LSAMP: variants seen among roughly 807,000 people sequenced by gnomAD.
LSAMP encodes limbic system-associated membrane protein.
In LSAMP, 7 loss-of-function variants were observed where a neutral mutation model predicts 38.6. The ratio of observed to expected loss-of-function variants is 0.18; its 90% CI spans 0.10 to 0.34. The LOEUF is 0.34. LSAMP is among the 10% of genes least tolerant of loss of function. LSAMP has a pLI of 1.00. For missense variants in LSAMP, 313 were observed against 420.0 expected, an observed-to-expected ratio of 0.75 and a Z score of 2.23; for synonymous variants, 154 against 166.8, an observed-to-expected ratio of 0.92 and a Z score of 0.59.
At position 116,304,412 on chromosome 3, in the gene LSAMP, C is replaced by G. The variant is rs559278451; in HGVS notation, c.155+140465G>C. Reference sequence around the variant, plus strand: ...GACATGACGAAGAAGCTGTTTCGGACAAAGGAAACTACAGGGAAAACCTTT... The same window carrying G: ...GACATGACGAAGAAGCTGTTTCGGAGAAAGGAAACTACAGGGAAAACCTTT... On this transcript the variant is annotated intron_variant, in intron 1 of 6. Coordinates refer to ENST00000490035, the MANE Select transcript of LSAMP (RefSeq NM_002338.5). 2.0e-5 allele frequency among the ~76,000 whole-genome samples: 3 copies of G among 152,122 alleles called. No individual in the cohort carries two copies. The East Asian group carries it at 5.8e-4, about 29-fold the overall frequency.
At chr3:116,089,203 G>A (rs903281860) in intron 1 of LSAMP, among the ~76,000 whole-genome samples, 14 of 152,156 alleles carry the variant, frequency 9.2e-5, no homozygotes, top group Non-Finnish European at 1.8e-4. Context: ...GCATAAAAGT[G>A]CATCTAATGA....
At chr3:115,863,386 T>G (rs1250797752) in intron 3 of LSAMP, among the ~76,000 whole-genome samples, 1 of 152,032 alleles carries the variant, frequency 6.6e-6, no homozygotes, top group Non-Finnish European at 1.5e-5. Flanking sequence ...GTTTGATTGA[T>G]CTGTGTACTG....
intron 1 of LSAMP, among the ~76,000 whole-genome samples, chr3:116,186,837 C>T (rs1216442841): frequency 6.6e-6 from 1 of 152,098 alleles, no homozygotes; most frequent in East Asian, 1.9e-4. Flanking sequence ...CTTGCATCAA[C>T]TGGATATTAT....
chr3:116,168,766 T>C lies in LSAMP; in HGVS notation c.156-82210A>G, dbSNP rs572069841. ...ATGCTTAGGATAAATCAAGGAGCTA[T>C]TATGGATTAGATATTGGTAGGTACC... On this transcript the variant is annotated intron_variant, in intron 1 of 6. Coordinates refer to ENST00000490035, the MANE Select transcript of LSAMP (RefSeq NM_002338.5). Among the ~76,000 whole-genome samples, 108 of 152,328 alleles carry C rather than the reference T, an allele frequency of 7.1e-4. 2 individuals carry two copies. In the South Asian group the frequency reaches 0.02, roughly 29 times the overall value.
At chr3:115,912,905 G>T (rs1937166158) in intron 3 of LSAMP, among the ~76,000 whole-genome samples, 1 of 152,124 alleles carries the variant, frequency 6.6e-6, no homozygotes, top group Non-Finnish European at 1.5e-5. Flanking sequence ...CTTACATCCT[G>T]AGGTCCCTAC....
At chr3:116,334,842 C>T (rs779644451) in intron 1 of LSAMP, among the ~76,000 whole-genome samples, 3 of 152,012 alleles carry the variant, frequency 2.0e-5, no homozygotes, top group Non-Finnish European at 4.4e-5. Context: ...AGGACTTGCA[C>T]TTTCACTATT....
Position 116,060,908 on chromosome 3 carries a change from T to TAAATA in LSAMP, c.388+25411_388+25415dup, listed in dbSNP as rs561034210. ...AAAAATAAAATACCACAATGAGAAA[T>TAAATA]AAATAAAATAAAATAAAATAAAATA... is the stretch of plus-strand genomic sequence containing the variant. On this transcript the variant is annotated intron_variant, in intron 2 of 6. Coordinates refer to ENST00000490035, the MANE Select transcript of LSAMP (RefSeq NM_002338.5). Among the ~76,000 whole-genome samples the TAAATA allele has an allele frequency of 2.0e-3, 310 of 151,602 alleles. 2 individuals carry two copies. Among genetic ancestry groups the TAAATA allele is most frequent in the Middle Eastern group, 0.014 (4 of 294 alleles).
At chr3:115,998,847 C>T (rs1443995043) in intron 3 of LSAMP, among the ~76,000 whole-genome samples, 2 of 152,094 alleles carry the variant, frequency 1.3e-5, no homozygotes, top group Non-Finnish European at 2.9e-5. Flanking sequence ...GGTAGGATAA[C>T]ATCTATCTCC....
At chr3:116,174,118 A>T (rs1710276993) in intron 1 of LSAMP, among the ~76,000 whole-genome samples, 2 of 152,038 alleles carry the variant, frequency 1.3e-5, no homozygotes, top group Admixed American at 6.6e-5. Flanking sequence ...CATTTTTAAT[A>T]TTATGACCCA....
At chr3:116,004,781 T>G (rs1296506343) in intron 3 of LSAMP, among the ~76,000 whole-genome samples, 1 of 152,150 alleles carries the variant, frequency 6.6e-6, no homozygotes, top group Non-Finnish European at 1.5e-5. Flanking sequence ...GATTTTGCTC[T>G]TCTGATAAAA....
chr3:115,827,476 G>T (rs1934459322), intron 6 of LSAMP, among the ~76,000 whole-genome samples: 1 of 152,040 alleles, frequency 6.6e-6, no homozygotes, highest in African/African-American at 2.4e-5. Flanking sequence ...TGCGAGTATG[G>T]GGCAGATAAA....
chr3:115,844,002 AC>A (rs1366827947), intron 4 of LSAMP, among the ~76,000 whole-genome samples: 1 of 152,002 alleles, frequency 6.6e-6, no homozygotes, highest in Non-Finnish European at 1.5e-5. Context: ...CATAAAACGA[AC>A]CCTGGATTGG....
chr3:115,891,041 C>T (rs1482630380), intron 3 of LSAMP, among the ~76,000 whole-genome samples: 1 of 151,890 alleles, frequency 6.6e-6, no homozygotes, highest in Non-Finnish European at 1.5e-5. Context: ...ACAAATTGTA[C>T]TATACTTCTG....
At chr3:116,151,641 C>G (rs76909494) in intron 1 of LSAMP, among the ~76,000 whole-genome samples, 2 of 152,132 alleles carry the variant, frequency 1.3e-5, no homozygotes, top group Non-Finnish European at 2.9e-5. Context: ...CCAGGGAAAT[C>G]TGACATTGCT....
chr3:115,948,061 A>G (rs753254440), intron 3 of LSAMP, among the ~76,000 whole-genome samples: 31 of 152,240 alleles, frequency 2.0e-4, no homozygotes, highest in Non-Finnish European at 3.2e-4. Flanking sequence ...AGTGTGCAAT[A>G]AAAATCTGGG....
At chr3:115,860,215 A>G (rs987743317) in intron 3 of LSAMP, among the ~76,000 whole-genome samples, 1 of 152,240 alleles carries the variant, frequency 6.6e-6, no homozygotes, top group Admixed American at 6.5e-5. Flanking sequence ...TTAATTCACG[A>G]TAGTTTTAAG....
At chr3:115,873,963 C>T (rs1219950190) in intron 3 of LSAMP, among the ~76,000 whole-genome samples, 1 of 152,164 alleles carries the variant, frequency 6.6e-6, no homozygotes, top group Non-Finnish European at 1.5e-5. Context: ...GCACTGACTA[C>T]TACCCATTTG....
intron 1 of LSAMP, among the ~76,000 whole-genome samples, chr3:116,192,452 C>T (rs1251768725): frequency 6.6e-6 from 1 of 152,218 alleles, no homozygotes; most frequent in Non-Finnish European, 1.5e-5. Context: ...CTCAATTTCT[C>T]TGTCTTCTTT....
intron 1 of LSAMP, among the ~76,000 whole-genome samples, chr3:116,239,380 A>T (rs2046503177): frequency 6.6e-6 from 1 of 151,284 alleles, no homozygotes. Flanking sequence ...AATCCTAGCA[A>T]ATACTATCCA....
Sources: allele counts gnomAD v4.1 joint callset (sites outside exome capture counted in the v4.1 genomes callset), GRCh38; gene constraint gnomAD v4.1.1; transcripts MANE v1.5; gene names NCBI Gene and HGNC (gene_info 2026-07-23, HGNC 2026-07-21).